RB1CC1: variants seen among roughly 807,000 people sequenced by gnomAD.
RB1CC1 encodes RB1 inducible coiled-coil 1, also known as RB1-inducible coiled-coil protein 1.
A neutral mutation model predicts 177.5 loss-of-function variants in RB1CC1; 46 were observed. The observed-to-expected ratio is 0.26, with a 90% CI of 0.20 to 0.33. The LOEUF is 0.33. Among genes scored for constraint, RB1CC1 ranks in the 10% least tolerant of loss-of-function variants. RB1CC1 has a pLI of 1.00. For synonymous variants in RB1CC1, 666 were observed against 613.6 expected (o/e 1.09, Z -1.26); for missense variants, 1,703 against 1,816.3 (o/e 0.94, Z 1.13).
rs749567816 is a variant in RB1CC1 at position 52,642,312 on chromosome 8, G to A, written c.4337+39C>T. 5 of 1,581,766 alleles carry A rather than the reference G, an allele frequency of 3.2e-6. No homozygotes were observed. The South Asian group carries it at 5.7e-5, about 18-fold the overall frequency. On this transcript the variant is annotated intron_variant, in intron 18 of 23. Transcript: ENST00000025008. ...TCAGAGCTTTATAACTCATGGAATT[G>A]CAACAGCCTTAAAAACAGTTGAAAA... is the stretch of plus-strand genomic sequence containing the variant.
chr8:52,688,798 T>C (rs1325317482), intron 1 of RB1CC1, among the ~76,000 whole-genome samples: 4 of 152,214 alleles, frequency 2.6e-5, no homozygotes, highest in Non-Finnish European at 5.9e-5. Context: ...ATCACTGTCC[T>C]ACCGATATGT....
rs1384988433 is a variant in RB1CC1, at chr8:52,683,606, T to C, written c.312A>G (p.Glu104=). Residue 104 remains glutamate, a synonymous_variant, in exon 5 of 24, where the codon GAA becomes GAG. Coordinates refer to ENST00000025008, the MANE Select transcript of RB1CC1 (RefSeq NM_014781.5). ...GAAAAACTGCAGGCATCATAAGAGA[T>C]TCTTCAACTTTTATTTCCATGTCAT... The part of the protein sequence containing the change: ...TENDMEIKVE[E]SLMMPAVFHT... The C allele has an allele frequency of 2.5e-6, 4 of 1,611,696 alleles. No homozygotes were observed. The highest frequency in any genetic ancestry group is 2.7e-5 in the African/African-American group (2 of 74,818).
chr8:52,699,858 T>TATATATATATATATATATATATACAC (rs756226534), intron 1 of RB1CC1, among the ~76,000 whole-genome samples: 1 of 102,794 alleles, frequency 9.7e-6, no homozygotes, highest in East Asian at 3.8e-4. Context: ...TATATATATA[T>TATATATATATATATATATATATACAC]ACACACAAAA....
chr8:52,680,996 T>TATG (rs1389877008), intron 5 of RB1CC1, among the ~76,000 whole-genome samples: 1 of 104,972 alleles, frequency 9.5e-6, no homozygotes, highest in Non-Finnish European at 1.9e-5. Context: ...GTGTGTGTGT[T>TATG]TTTTTTTTTT....
At chr8:52,626,768 T>C (rs1030218147) in intron 22 of RB1CC1, among the ~76,000 whole-genome samples, 3 of 152,186 alleles carry the variant, frequency 2.0e-5, no homozygotes, top group African/African-American at 7.2e-5. Context: ...TACTGTTTCA[T>C]GGATACTCTA....
At chr8:52,686,240 A>G (rs1854266096) in intron 2 of RB1CC1, 1 of 152,260 alleles carries the variant, frequency 6.6e-6, no homozygotes, top group South Asian at 2.1e-4. Flanking sequence ...TTTTTCATCT[A>G]TAAAATGAGG....
chr8:52,630,923 C>A (rs187562306), intron 20 of RB1CC1, among the ~76,000 whole-genome samples: 1 of 152,254 alleles, frequency 6.6e-6, no homozygotes, highest in Non-Finnish European at 1.5e-5. Flanking sequence ...CTTGGCAAGG[C>A]AACTTTACTT....
chr8:52,648,143 T>C (rs1197387529), intron 15 of RB1CC1, among the ~76,000 whole-genome samples: 5 of 152,132 alleles, frequency 3.3e-5, no homozygotes, highest in Admixed American at 3.3e-4. Context: ...GTAAACACCA[T>C]ATCCCCAAAA....
At chr8:52,683,409 C>G in intron 5 of RB1CC1, 140 bp downstream of exon 5, 1 of 718,286 alleles carries the variant, frequency 1.4e-6, no homozygotes, top group Non-Finnish European at 2.0e-6. Context: ...AATTTTAAAA[C>G]TAGATATATT....
intron 18 of RB1CC1, among the ~76,000 whole-genome samples, chr8:52,638,352 A>G (rs1391182960): frequency 6.6e-6 from 1 of 152,152 alleles, no homozygotes; most frequent in African/African-American, 2.4e-5. Context: ...TTCCTTTTGT[A>G]TTCTGCCAGA....
Position 52,656,246 on chromosome 8 carries a change from C to A in RB1CC1, c.3583G>T (p.Asp1195Tyr), listed in dbSNP as rs757117836. The A allele has an allele frequency of 1.2e-6, 2 of 1,613,118 alleles. No homozygotes were observed. Among genetic ancestry groups the A allele is most frequent in the Non-Finnish European group, 1.7e-6 (2 of 1,179,762 alleles). Residue 1195 changes from aspartate (D) to tyrosine (Y), a missense_variant, in exon 15 of 24, where the codon GAT (aspartate) becomes TAT (tyrosine). Physicochemically the swap from Asp to Tyr is radical, Grantham distance 160 (BLOSUM62 -3). This residue lies in a region of RB1CC1 where 1,169 missense variants were observed against 1,184.7 expected (regional missense o/e 0.99). Coordinates refer to ENST00000025008, the MANE Select transcript of RB1CC1 (RefSeq NM_014781.5). ...TCTTCTTGTTGGGTAATTTTTTCAT[C>A]TTTTTGTCTTTCAAGAGCACTCAAT... ...SELSALERQKDEKITQQEEKY... is the reference protein window; with the variant it reads ...SELSALERQKYEKITQQEEKY...
intron 5 of RB1CC1, among the ~76,000 whole-genome samples, chr8:52,681,511 T>C (rs1442703326): frequency 2.0e-5 from 3 of 152,166 alleles, no homozygotes; most frequent in African/African-American, 7.2e-5. Context: ...CATGAAGAAA[T>C]ATCACCTCTA....
intron 1 of RB1CC1, among the ~76,000 whole-genome samples, chr8:52,687,750 C>A (rs977007460): frequency 6.6e-6 from 1 of 152,208 alleles, no homozygotes; most frequent in Non-Finnish European, 1.5e-5. Context: ...AACACTTTGA[C>A]TGAAGTCTTG....
In RB1CC1 at chr8:52,656,099, T is replaced by C. The variant is rs2150472340; in HGVS notation, c.3730A>G (p.Thr1244Ala). The change falls in exon 15 of 24, where the codon ACT becomes GCT. Residue 1244 changes from threonine to alanine, a missense_variant. Transcript: ENST00000025008. ...LNCEKDEAIQ[T>A]ALKEFKLERE... ...TCCAATTTAAATTCTTTTAGGGCAG[T>C]CTGAATAGCTTCATCTTTTTCACAA... 1 of 1,613,716 alleles carries C rather than the reference T, an allele frequency of 6.2e-7. No individual in the cohort carries two copies. The highest frequency in any genetic ancestry group is 2.2e-5 in the East Asian group (1 of 44,824).
chr8:52,665,719 G>C (rs1387863063), intron 8 of RB1CC1, among the ~76,000 whole-genome samples: 3 of 152,162 alleles, frequency 2.0e-5, no homozygotes, highest in Non-Finnish European at 2.9e-5. Flanking sequence ...AAGCAGTGAA[G>C]AAGCCAGGCA....
intron 15 of RB1CC1, 28 bp from the exon 16 acceptor site, chr8:52,645,895 A>C: frequency 7.1e-7 from 1 of 1,402,928 alleles, no homozygotes; most frequent in Non-Finnish European, 9.6e-7. Flanking sequence ...GCATTAAATT[A>C]AAAAAAAAAT....
At chr8:52,660,497 CACA>C in intron 12 of RB1CC1, 96 bp downstream of exon 12, 1 of 1,157,356 alleles carries the variant, frequency 8.6e-7, no homozygotes, top group Non-Finnish European at 1.2e-6. Context: ...TTTTTTAAAC[CACA>C]ACAATTTCTG....
Position 52,674,147 on chromosome 8 carries a change from T to C in RB1CC1, c.700A>G (p.Met234Val), listed in dbSNP as rs912252150. 6.2e-6 allele frequency: 10 copies of C among 1,614,000 alleles called. No individual in the cohort carries two copies. Among genetic ancestry groups the C allele is most frequent in the Non-Finnish European group, 8.5e-6 (10 of 1,179,852 alleles). ...AGCACCAGTTCAGTGGATCTTTTCA[T>C]CTCAGCTTTTTCTGAGTCTTCATGT... The part of the protein sequence containing the change: ...PEHEDSEKAE[M>V]KRSTELVLSP... The change falls in exon 7 of 24, where the codon ATG becomes GTG. Residue 234 changes from methionine (M) to valine (V), a missense_variant. This residue lies in a region of RB1CC1 where 315 missense variants were observed against 304.9 expected (regional missense o/e 1.03). Transcript: ENST00000025008.
At chr8:52,668,897 T>C (rs188446316) in intron 7 of RB1CC1, among the ~76,000 whole-genome samples, 7 of 152,336 alleles carry the variant, frequency 4.6e-5, no homozygotes, top group African/African-American at 9.6e-5. Context: ...GGGAAGTTAC[T>C]TCTACTGGTT....
Sources: allele counts gnomAD v4.1 joint callset (sites outside exome capture counted in the v4.1 genomes callset), GRCh38; gene constraint gnomAD v4.1.1; regional missense constraint gnomAD v4.1.1; transcripts MANE v1.5; gene names NCBI Gene and HGNC (gene_info 2026-07-23, HGNC 2026-07-21).